The following CCDC175 variants were observed in gnomAD, a reference collection of about 807,000 sequenced individuals.
CCDC175 encodes the protein coiled-coil domain containing 175.
CCDC175 carries 100 observed loss-of-function variants against 114.6 expected under a neutral mutation model. The observed-to-expected ratio is 0.87, with a 90% CI of 0.74 to 1.03. The LOEUF (loss-of-function observed/expected upper bound fraction) is 1.03. CCDC175 is among the 50% of genes least tolerant of loss of function. The pLI, the probability that CCDC175 is intolerant of heterozygous loss-of-function variation, is 0.00. For missense variants in CCDC175, 880 were observed against 917.8 expected, an observed-to-expected ratio of 0.96 and a Z score of 0.53; for synonymous variants, 306 against 308.7, an observed-to-expected ratio of 0.99 and a Z score of 0.09.
intron 2 of CCDC175, among the ~76,000 whole-genome samples, chr14:59,573,498 C>T (rs910217917): frequency 1.1e-4 from 17 of 152,044 alleles, no homozygotes; most frequent in Admixed American, 5.2e-4. Context: ...GTATATTCAT[C>T]AGCATTAATA....
chr14:59,570,802 C>T (rs1236281598), intron 3 of CCDC175, among the ~76,000 whole-genome samples: 10 of 152,106 alleles, frequency 6.6e-5, no homozygotes, highest in South Asian at 2.1e-4. Context: ...ACTGCAGTGG[C>T]GCAATCTTGG....
At chr14:59,531,716 T>C in intron 14 of CCDC175, 56 bp downstream of exon 14, 1 of 1,259,308 alleles carries the variant, frequency 7.9e-7, no homozygotes, top group Non-Finnish European at 1.1e-6. Flanking sequence ...TGTTAGAAGA[T>C]GACAGTGAAA....
At chr14:59,563,643 C>T in intron 6 of CCDC175, 94 bp downstream of exon 6, 1 of 770,906 alleles carries the variant, frequency 1.3e-6, no homozygotes, top group Non-Finnish European at 1.8e-6. Context: ...AAAACATCCT[C>T]TCAGCATGAC....
At chr14:59,574,452 TTC>T (rs1896999397) in intron 2 of CCDC175, among the ~76,000 whole-genome samples, 1 of 152,230 alleles carries the variant, frequency 6.6e-6, no homozygotes, top group African/African-American at 2.4e-5. Flanking sequence ...TTGAAAGAGT[TTC>T]TCTTTGTTTT....
In CCDC175 at chr14:59,505,242, C is replaced by T. The variant is rs2139930279; in HGVS notation, c.2379G>A (p.Lys793=). The change falls in exon 20 of 20, where the codon AAG becomes AAA. Residue 793 remains lysine (K), a synonymous_variant. Transcript: ENST00000537690. ...TCACAGCAGTTGTATCCTTGAGTTA[C>T]TTTGTTAATGTATTTTTCTCAGTAC... ...VKCTEKNTLT[K] The T allele has an allele frequency of 6.8e-7, 1 of 1,474,074 alleles. No individual in the cohort carries two copies. 91.3% of individuals were successfully genotyped at this position (1,474,074 alleles called of 1,614,324 possible).
At chr14:59,573,008 CTT>C (rs1896922068) in intron 2 of CCDC175, among the ~76,000 whole-genome samples, 195 bp from the exon 3 acceptor site, 1 of 152,062 alleles carries the variant, frequency 6.6e-6, no homozygotes, top group South Asian at 2.1e-4. Context: ...TAGTTTATCT[CTT>C]AATTTCTATT....
intron 3 of CCDC175, among the ~76,000 whole-genome samples, chr14:59,570,011 A>C (rs1896758928): frequency 6.6e-6 from 1 of 152,210 alleles, no homozygotes; most frequent in South Asian, 2.1e-4. Context: ...AGTTCATGAA[A>C]TGCTGGGCTG....
chr14:59,538,240 T>C, intron 12 of CCDC175, 86 bp from the exon 13 acceptor site: 3 of 1,124,270 alleles, frequency 2.7e-6, no homozygotes, highest in Non-Finnish European at 3.7e-6. Flanking sequence ...AATATCTCTT[T>C]GCAGGAGGCC....
intron 19 of CCDC175, among the ~76,000 whole-genome samples, chr14:59,507,355 G>T (rs1292703462): frequency 2.6e-4 from 40 of 152,338 alleles, no homozygotes; most frequent in East Asian, 3.9e-4. Flanking sequence ...CTCTTCAATT[G>T]TCTTGTTTCT....
chr14:59,561,183 T>C lies in CCDC175; in HGVS notation c.889A>G (p.Ile297Val), dbSNP rs752412013. The change falls in exon 7 of 20, where the codon ATA (isoleucine) becomes GTA (valine). Residue 297 changes from isoleucine (I) to valine (V), a missense_variant. Physicochemically the swap from Ile to Val is conservative, Grantham distance 29. Coordinates refer to ENST00000537690, the MANE Select transcript of CCDC175 (RefSeq NM_001164399.2). ...NLEIARLHESIRYWEQEVSEL... is the reference protein window; with the variant it reads ...NLEIARLHESVRYWEQEVSEL... ...CTGACCTCTTGTTCCCAATACCTTATTGATTCGTGTAGTCGTGCTATCTCT... is the reference window on the plus strand; with the variant it reads ...CTGACCTCTTGTTCCCAATACCTTACTGATTCGTGTAGTCGTGCTATCTCT... 7 of 1,535,800 alleles carry C rather than the reference T, an allele frequency of 4.6e-6. No homozygotes were observed. In the African/African-American group the frequency reaches 9.6e-5, roughly 21 times the overall value.
chr14:59,540,050 G>C (rs747767837), intron 11 of CCDC175, among the ~76,000 whole-genome samples: 1 of 152,018 alleles, frequency 6.6e-6, no homozygotes, highest in South Asian at 2.1e-4. Flanking sequence ...CATCTTGGGC[G>C]ACAGAGCAAG....
chr14:59,570,834 C>T (rs1896809404), intron 3 of CCDC175, among the ~76,000 whole-genome samples: 2 of 152,146 alleles, frequency 1.3e-5, no homozygotes, highest in South Asian at 2.1e-4. Context: ...CTCTGCCTCC[C>T]GGGTTCAAGC....
At chr14:59,525,477 G>C (rs1199870761) in intron 15 of CCDC175, 43 bp from the exon 16 acceptor site, 4 of 1,451,820 alleles carry the variant, frequency 2.8e-6, no homozygotes, top group Non-Finnish European at 3.7e-6. Context: ...AGTTCAAACA[G>C]TAGGGCACGA....
At chr14:59,554,677 G>C (rs1394837867) in intron 7 of CCDC175, among the ~76,000 whole-genome samples, 1 of 152,144 alleles carries the variant, frequency 6.6e-6, no homozygotes, top group Non-Finnish European at 1.5e-5. Context: ...GAATCCAGGA[G>C]CTGGTTTTTT....
chr14:59,547,370 C>T (rs997963190), intron 8 of CCDC175, among the ~76,000 whole-genome samples: 5 of 152,130 alleles, frequency 3.3e-5, no homozygotes, highest in African/African-American at 9.6e-5. Context: ...TTTGGAAGAA[C>T]GTGACAAAAT....
At chr14:59,514,695 G>A (rs1047139436) in intron 17 of CCDC175, among the ~76,000 whole-genome samples, 1 of 152,214 alleles carries the variant, frequency 6.6e-6, no homozygotes, top group Non-Finnish European at 1.5e-5. Context: ...TCTGATTGGT[G>A]TACCTGAAAG....
intron 7 of CCDC175, among the ~76,000 whole-genome samples, chr14:59,557,167 G>A (rs8011931): frequency 0.52 from 79,755 of 151,964 alleles, 21,995 homozygotes; most frequent in East Asian, 0.82. Context: ...ACACGCACAC[G>A]TATGTTTATT....
At chr14:59,545,712 C>CA (rs1216631295) in intron 8 of CCDC175, among the ~76,000 whole-genome samples, 1 of 151,968 alleles carries the variant, frequency 6.6e-6, no homozygotes, top group Non-Finnish European at 1.5e-5. Flanking sequence ...TATTTGAGGA[C>CA]AAAAAATAGT....
chr14:59,551,146 A>T, intron 8 of CCDC175: 1 of 350,848 alleles, frequency 2.9e-6, no homozygotes, highest in Non-Finnish European at 5.1e-6. Context: ...ACCAAAAAAC[A>T]GTTCCTCTGT....
Sources: gnomAD v4.1 joint callset for allele counts (sites outside exome capture counted in the v4.1 genomes callset) on GRCh38, gnomAD v4.1.1 for gene constraint, MANE v1.5 for transcripts, NCBI Gene and HGNC (gene_info 2026-07-23, HGNC 2026-07-21) for gene names.